The following BRI3BP variants were observed in gnomAD, a reference collection of about 807,000 sequenced individuals.
BRI3BP encodes the protein BRI3 binding protein, also known as BRI3-binding protein.
Under a neutral mutation model 15.8 loss-of-function variants are expected in BRI3BP, and 7 were observed. The observed-to-expected ratio is 0.44, with a 90% CI of 0.25 to 0.83. BRI3BP has a LOEUF of 0.83. Ranked by LOEUF, BRI3BP falls within the 40% of genes least tolerant of loss-of-function variation. The probability of loss-of-function intolerance (pLI) is 0.20; values close to 1 mark genes in which losing one functional copy is unlikely to be tolerated. For synonymous variants in BRI3BP, 192 were observed against 163.5 expected, an observed-to-expected ratio of 1.17 and a Z score of -1.33; for missense variants, 320 against 339.3, an observed-to-expected ratio of 0.94 and a Z score of 0.45.
chr12:125,047,707 A>T, the BRI3BP span, among the ~76,000 whole-genome samples: 69 of 151,166 alleles, frequency 4.6e-4, no homozygotes, highest in African/African-American at 1.7e-3. Flanking sequence ...TTATTTATTT[A>T]TTTTTTTGAG....
chr12:125,028,276 C>T lies in BRI3BP; in HGVS notation c.*2846C>T, dbSNP rs1056077021. On this transcript the variant is annotated 3_prime_UTR_variant, in exon 3 of 3. Coordinates refer to ENST00000341446, the MANE Select transcript of BRI3BP (RefSeq NM_080626.6). ...TTGTTTATGGTCATTGTAAGATGCC[C>T]GCATGTTAAGGCTTAAGCTGTCACT... The T allele has an allele frequency of 2.0e-5, 3 of 152,226 alleles. No individual in the cohort carries two copies. The highest frequency in any genetic ancestry group is 4.8e-5 in the African/African-American group (2 of 41,454). 9.4% of individuals were successfully genotyped at this position (152,226 alleles called of 1,614,324 possible).
In BRI3BP at chr12:124,994,218, C is replaced by T. The variant is rs1019592055; in HGVS notation, c.213+215C>T. 2.6e-5 allele frequency among the ~76,000 whole-genome samples: 4 copies of T among 151,982 alleles called. No individual in the cohort carries two copies. The East Asian group carries it at 7.8e-4, about 30-fold the overall frequency. On this transcript the variant is annotated intron_variant, in intron 1 of 2. Coordinates refer to ENST00000341446, the MANE Select transcript of BRI3BP (RefSeq NM_080626.6). ...GCGGCCGGGCCTCGGGGCGCCCTCT[C>T]CTCTGCGCCGCGCTTCTCCTTGGAC...
intron 1 of BRI3BP, among the ~76,000 whole-genome samples, chr12:125,003,661 C>T (rs1955115413): frequency 6.6e-6 from 1 of 152,074 alleles, no homozygotes. Context: ...AAAATCAAAA[C>T]CACAATACCG....
intron 1 of BRI3BP, among the ~76,000 whole-genome samples, chr12:124,994,675 A>T (rs1338155951): frequency 2.6e-5 from 4 of 152,086 alleles, no homozygotes. Context: ...GTTTTCCCCA[A>T]TTCCTGCTCT....
At chr12:125,002,532 C>G (rs1955104210) in intron 1 of BRI3BP, among the ~76,000 whole-genome samples, 1 of 151,176 alleles carries the variant, frequency 6.6e-6, no homozygotes. Flanking sequence ...TCTCTGCTCA[C>G]TGCAACCTCC....
intron 1 of BRI3BP, among the ~76,000 whole-genome samples, chr12:125,002,247 T>G (rs1341823168): frequency 6.6e-6 from 1 of 152,160 alleles, no homozygotes; most frequent in Non-Finnish European, 1.5e-5. Context: ...TGCTGGGTCA[T>G]ACAGGAACTT....
At position 124,993,895 on chromosome 12, in the gene BRI3BP, GC is replaced by G; in HGVS notation, c.106del (p.Arg36GlyfsTer41). The G allele has an allele frequency of 7.9e-7, 1 of 1,263,950 alleles. No homozygotes were observed. The highest frequency in any genetic ancestry group is 2.3e-5 in the South Asian group (1 of 43,348). 78.3% of individuals were successfully genotyped at this position (1,263,950 alleles called of 1,614,324 possible). A position where few individuals can be genotyped will look rare whatever the true frequency, so the allele number is the denominator to read the frequency against. The part of the protein sequence containing the change: ...GLLAPGAQGA[R>X]GRGGAEKNSY... ...TGCTGGCCCCGGGCGCGCAGGGGGCGCGGGGCCGCGGCGGCGCGGAGAAGAA... is the reference window on the plus strand; with the variant it reads ...TGCTGGCCCCGGGCGCGCAGGGGGCGGGGGCCGCGGCGGCGCGGAGAAGAA... On this transcript the variant is annotated frameshift_variant, in exon 1 of 3. Transcript: ENST00000341446. LOFTEE classifies it high-confidence loss of function.
At chr12:125,017,100 A>G (rs1955253061) in intron 2 of BRI3BP, among the ~76,000 whole-genome samples, 1 of 150,204 alleles carries the variant, frequency 6.7e-6, no homozygotes, top group Non-Finnish European at 1.5e-5. Context: ...CACCACTGCA[A>G]CCTCCACCTC....
At position 124,993,739 on chromosome 12, in the gene BRI3BP, C is replaced by G. The variant is rs1349043941; in HGVS notation, c.-52C>G. On this transcript the variant is annotated 5_prime_UTR_variant, in exon 1 of 3. Transcript: ENST00000341446. ...TGCCCTAGCCGGAGCCCGCTGCGGC[C>G]CAGCGCACGGCCCTCACCCCGCATC... 2 of 955,518 alleles carry G rather than the reference C, an allele frequency of 2.1e-6. No homozygotes were observed. The highest frequency in any genetic ancestry group is 2.5e-6 in the Non-Finnish European group (2 of 802,920). The allele number at this position is 955,518 out of a possible 1,614,324, so 59.2% of individuals were successfully genotyped here. A position where few individuals can be genotyped will look rare whatever the true frequency, so the allele number is the denominator to read the frequency against.
chr12:125,013,176 C>A (rs1453865086), intron 2 of BRI3BP, among the ~76,000 whole-genome samples: 1 of 151,562 alleles, frequency 6.6e-6, no homozygotes, highest in Non-Finnish European at 1.5e-5. Flanking sequence ...GTGGGAGTGC[C>A]AATTTGTGTG....
downstream of BRI3BP, among the ~76,000 whole-genome samples, chr12:125,033,744 T>TA (rs2136005031): frequency 7.4e-6 from 1 of 135,920 alleles, no homozygotes; most frequent in African/African-American, 2.9e-5. Context: ...TTCTGGTTTT[T>TA]TTTTGTTTTT....
chr12:124,995,276 G>A (rs966403684), intron 1 of BRI3BP, among the ~76,000 whole-genome samples: 7 of 152,222 alleles, frequency 4.6e-5, no homozygotes, highest in Non-Finnish European at 8.8e-5. Flanking sequence ...AGGGCTGAAC[G>A]CCTGAATGTG....
intron 1 of BRI3BP, among the ~76,000 whole-genome samples, chr12:125,010,225 G>A (rs144841399): frequency 1.4e-4 from 22 of 152,248 alleles, no homozygotes; most frequent in African/African-American, 4.8e-4. Context: ...GATGAAGTAG[G>A]TACTGTTATC....
intron 2 of BRI3BP, among the ~76,000 whole-genome samples, chr12:125,016,857 CAG>C (rs886166919): frequency 1.8e-5 from 1 of 56,426 alleles, no homozygotes; most frequent in Non-Finnish European, 3.2e-5. Context: ...TTTTTTGAGA[CAG>C]AGTCTTGCTC....
At chr12:125,041,870 T>C in the BRI3BP span, among the ~76,000 whole-genome samples, 1 of 152,188 alleles carries the variant, frequency 6.6e-6, no homozygotes, top group African/African-American at 2.4e-5. Context: ...TGTTTTAACT[T>C]TTTTGTAGAG....
At position 125,027,675 on chromosome 12, in the gene BRI3BP, A is replaced by T. The variant is rs1265559337; in HGVS notation, c.*2245A>T. 6.6e-6 allele frequency: 1 copy of T among 152,128 alleles called. No homozygotes were observed. Among genetic ancestry groups the T allele is most frequent in the African/African-American group, 2.4e-5 (1 of 41,432 alleles). The allele number at this position is 152,128 out of a possible 1,614,324, so 9.4% of individuals were successfully genotyped here. A position where few individuals can be genotyped will look rare whatever the true frequency, so the allele number is the denominator to read the frequency against. The stretch of plus-strand genomic sequence containing the variant: ...ACAGAGTGAGACTCCGTCTCAAAAA[A>T]AATTATTTGCTGGATCGAATCTTTT... On this transcript the variant is annotated 3_prime_UTR_variant, in exon 3 of 3. Coordinates refer to ENST00000341446, the MANE Select transcript of BRI3BP (RefSeq NM_080626.6).
At chr12:125,050,588 G>A in the BRI3BP span, among the ~76,000 whole-genome samples, 11 of 152,328 alleles carry the variant, frequency 7.2e-5, no homozygotes, top group African/African-American at 2.6e-4. Flanking sequence ...GCTGCTCTGT[G>A]CCCTGCCTCG....
chr12:125,007,104 C>G (rs1955150973), intron 1 of BRI3BP, among the ~76,000 whole-genome samples: 1 of 152,000 alleles, frequency 6.6e-6, no homozygotes, highest in Non-Finnish European at 1.5e-5. Flanking sequence ...GAGGCTGAGG[C>G]AGGAGAATTG....
chr12:125,005,194 T>A (rs1372866792), intron 1 of BRI3BP, among the ~76,000 whole-genome samples: 2 of 152,104 alleles, frequency 1.3e-5, no homozygotes, highest in African/African-American at 4.8e-5. Context: ...TGTCTGATGT[T>A]TTTCTCATAA....
Sources: gnomAD v4.1 joint callset for allele counts (sites outside exome capture counted in the v4.1 genomes callset) on GRCh38, gnomAD v4.1.1 for gene constraint, MANE v1.5 for transcripts, NCBI Gene and HGNC (gene_info 2026-07-23, HGNC 2026-07-21) for gene names.